GOLM1: variants seen among roughly 807,000 people sequenced by gnomAD.
The protein encoded by GOLM1 is golgi membrane protein 1, also known as epididymis luminal protein 46.
A neutral mutation model predicts 50.5 loss-of-function variants in GOLM1; 31 were observed. The observed-to-expected ratio is 0.61, with a 90% CI of 0.46 to 0.83. The LOEUF is 0.83. GOLM1 is among the 40% of genes least tolerant of loss of function. GOLM1 has a pLI of 0.00. For missense variants in GOLM1, 491 were observed against 501.3 expected (o/e 0.98, Z 0.20); for synonymous variants, 178 against 192.8 (o/e 0.92, Z 0.64).
At chr9:86,088,569 TTTG>T (rs1835065439) in intron 1 of GOLM1, among the ~76,000 whole-genome samples, 1 of 60,074 alleles carries the variant, frequency 1.7e-5, no homozygotes, top group African/African-American at 1.5e-4. Context: ...AACTCCTGGT[TTTG>T]TTTTTTTTTT....
At chr9:86,077,949 T>C (rs988506503) in intron 2 of GOLM1, 5 of 215,014 alleles carry the variant, frequency 2.3e-5, no homozygotes, top group African/African-American at 4.6e-5. Flanking sequence ...TTAACAACTC[T>C]TTAGCAGATA....
At chr9:86,028,603 T>G (rs980858300) in intron 9 of GOLM1, among the ~76,000 whole-genome samples, 1 of 152,216 alleles carries the variant, frequency 6.6e-6, no homozygotes, top group Admixed American at 6.5e-5. Context: ...GCAGAGGGTC[T>G]AATTGAACTG....
At chr9:86,064,222 A>C (rs1290454366) in intron 3 of GOLM1, among the ~76,000 whole-genome samples, 6 of 152,324 alleles carry the variant, frequency 3.9e-5, no homozygotes, top group African/African-American at 9.6e-5. Flanking sequence ...TTTAATTATA[A>C]ACCTGTATTT....
chr9:86,076,174 T>G (rs1484645295), intron 3 of GOLM1, among the ~76,000 whole-genome samples: 1 of 151,958 alleles, frequency 6.6e-6, no homozygotes, highest in Non-Finnish European at 1.5e-5. Flanking sequence ...ATCTCAGCAC[T>G]TTGGGAGGCC....
chr9:86,050,802 T>C (rs945274744), intron 4 of GOLM1, among the ~76,000 whole-genome samples: 5 of 152,228 alleles, frequency 3.3e-5, no homozygotes, highest in African/African-American at 1.2e-4. Context: ...TGTTGATCTT[T>C]TCAAAAAACC....
At chr9:86,057,175 T>C (rs1201377357) in intron 3 of GOLM1, among the ~76,000 whole-genome samples, 2 of 152,192 alleles carry the variant, frequency 1.3e-5, no homozygotes, top group Non-Finnish European at 2.9e-5. Context: ...GAATTACCCA[T>C]GTACAAATTT....
intron 4 of GOLM1, among the ~76,000 whole-genome samples, chr9:86,047,273 A>G (rs1415862799): frequency 6.6e-6 from 1 of 152,218 alleles, no homozygotes. Flanking sequence ...CGGATACCAC[A>G]GTGGGCGGCA....
intron 6 of GOLM1, among the ~76,000 whole-genome samples, chr9:86,038,900 T>G (rs1833238585): frequency 6.6e-6 from 1 of 152,094 alleles, no homozygotes; most frequent in African/African-American, 2.4e-5. Flanking sequence ...AAAGTGTTAC[T>G]AGATATAATA....
intron 3 of GOLM1, among the ~76,000 whole-genome samples, chr9:86,068,653 G>A (rs1024854733): frequency 5.9e-5 from 9 of 152,222 alleles, no homozygotes; most frequent in Non-Finnish European, 1.0e-4. Flanking sequence ...GAGACAACCC[G>A]TTCCCACTGA....
At chr9:86,037,430 CTG>C (rs756245023) in intron 6 of GOLM1, among the ~76,000 whole-genome samples, 3 of 129,702 alleles carry the variant, frequency 2.3e-5, no homozygotes, top group South Asian at 5.7e-4. Context: ...CAGAGCGAGA[CTG>C]TCTCTCAAAA....
At chr9:86,060,892 A>G (rs1834138265) in intron 3 of GOLM1, among the ~76,000 whole-genome samples, 1 of 100,864 alleles carries the variant, frequency 9.9e-6, no homozygotes, top group Non-Finnish European at 1.7e-5. Context: ...AAAAAAAAAA[A>G]AAAAAAAAAA....
chr9:86,040,724 A>G lies in GOLM1; in HGVS notation c.597+15T>C. 6.2e-7 allele frequency: 1 copy of G among 1,604,362 alleles called. No homozygotes were observed. The highest frequency in any genetic ancestry group is 1.1e-5 in the South Asian group (1 of 89,102). On this transcript the variant is annotated intron_variant, in intron 6 of 9. Transcript: ENST00000388712. ...GGTACCTTCTAGAAACTCTTGGCAA[A>G]AATTCCCCAGTTACCTGCTGTCTCT...
At chr9:86,090,378 G>A (rs1835139067) in intron 1 of GOLM1, among the ~76,000 whole-genome samples, 3 of 152,152 alleles carry the variant, frequency 2.0e-5, no homozygotes, top group Admixed American at 2.0e-4. Flanking sequence ...TCTGTCCCAG[G>A]GAGCTGGGAG....
intron 1 of GOLM1, among the ~76,000 whole-genome samples, chr9:86,097,477 AAAC>A (rs954450425): frequency 1.3e-5 from 2 of 152,172 alleles, no homozygotes; most frequent in African/African-American, 2.4e-5. Flanking sequence ...TTTCAAGAAA[AAAC>A]AAGTAATAAC....
chr9:86,053,748 CACTACTGCA>C (rs1833897659), intron 3 of GOLM1, among the ~76,000 whole-genome samples: 1 of 6,832 alleles, frequency 1.5e-4, no homozygotes, highest in Non-Finnish European at 3.6e-4. Context: ...ACACACCACA[CACTACTGCA>C]CACACCACAC....
At chr9:86,071,694 A>G (rs1249550601) in intron 3 of GOLM1, among the ~76,000 whole-genome samples, 2 of 152,124 alleles carry the variant, frequency 1.3e-5, no homozygotes, top group South Asian at 2.1e-4. Context: ...AAAAAAAGCA[A>G]TAATAGTTTC....
intron 8 of GOLM1, among the ~76,000 whole-genome samples, chr9:86,034,773 C>T (rs1290142336): frequency 6.6e-6 from 1 of 152,150 alleles, no homozygotes; most frequent in African/African-American, 2.4e-5. Context: ...CAGAAGTGTT[C>T]CTGGCTCAGG....
At chr9:86,075,358 A>G (rs1307719458) in intron 3 of GOLM1, among the ~76,000 whole-genome samples, 1 of 152,234 alleles carries the variant, frequency 6.6e-6, no homozygotes, top group African/African-American at 2.4e-5. Context: ...TGCTGTGATC[A>G]TGGCCTCGAC....
intron 4 of GOLM1, among the ~76,000 whole-genome samples, chr9:86,051,731 G>A (rs895023207): frequency 6.6e-6 from 1 of 151,926 alleles, no homozygotes; most frequent in African/African-American, 2.4e-5. Flanking sequence ...ACCTTTATGT[G>A]AGACCCCCCA....
Sources: gnomAD v4.1 joint callset for allele counts (sites outside exome capture counted in the v4.1 genomes callset) on GRCh38, gnomAD v4.1.1 for gene constraint, MANE v1.5 for transcripts, NCBI Gene and HGNC (gene_info 2026-07-23, HGNC 2026-07-21) for gene names.